The following RANBP10 variants were observed in gnomAD, a reference collection of about 807,000 sequenced individuals.
RANBP10 encodes RAN binding protein 10, also known as ran-binding protein 10.
Under a neutral mutation model 72.8 loss-of-function variants are expected in RANBP10, and 24 were observed. The ratio of observed to expected loss-of-function variants is 0.33; its 90% CI spans 0.24 to 0.46. The LOEUF (loss-of-function observed/expected upper bound fraction) is 0.46. Ranked by LOEUF, RANBP10 falls within the 20% of genes least tolerant of loss-of-function variation. The pLI is 1.00. For synonymous variants in RANBP10, 310 were observed against 322.3 expected (o/e 0.96, Z 0.41); for missense variants, 679 against 817.5 (o/e 0.83, Z 2.07).
intron 2 of RANBP10, among the ~76,000 whole-genome samples, chr16:67,787,915 T>G (rs550217514): frequency 1.4e-3 from 208 of 152,240 alleles, no homozygotes; most frequent in South Asian, 1.9e-3. Context: ...CTTGGCTCAC[T>G]GCAACCTCCA....
intron 2 of RANBP10, among the ~76,000 whole-genome samples, chr16:67,777,386 T>C (rs2054726185): frequency 6.9e-6 from 1 of 143,930 alleles, no homozygotes; most frequent in Non-Finnish European, 1.5e-5. Flanking sequence ...AATACAAAAA[T>C]TTAGCCGGGC....
chr16:67,763,853 C>A (rs187863080), intron 3 of RANBP10, among the ~76,000 whole-genome samples: 1 of 152,284 alleles, frequency 6.6e-6, no homozygotes, highest in Non-Finnish European at 1.5e-5. Context: ...CGCCACCACG[C>A]CCGGCTAATT....
chr16:67,790,021 G>A (rs539573973), intron 2 of RANBP10, among the ~76,000 whole-genome samples: 1 of 151,552 alleles, frequency 6.6e-6, no homozygotes, highest in African/African-American at 2.4e-5. Context: ...TGCTGAACCT[G>A]GGAGGCGGAG....
At chr16:67,739,263 G>A (rs749581456) in intron 4 of RANBP10, among the ~76,000 whole-genome samples, 2 of 152,102 alleles carry the variant, frequency 1.3e-5, no homozygotes, top group Non-Finnish European at 2.9e-5. Context: ...ACCGCACCTC[G>A]CCCCTTTTCC....
intron 2 of RANBP10, among the ~76,000 whole-genome samples, chr16:67,786,510 A>G (rs1394304893): frequency 6.6e-6 from 1 of 152,194 alleles, no homozygotes; most frequent in East Asian, 1.9e-4. Context: ...ACATTTCTCC[A>G]AAGAATCTAT....
intron 3 of RANBP10, chr16:67,763,649 G>A (rs2054441683): frequency 1.4e-5 from 2 of 143,536 alleles, no homozygotes; most frequent in South Asian, 4.3e-4. Flanking sequence ...AGGAAGGTGA[G>A]TCCTGTCCCT....
rs768116527 is a variant in RANBP10 at position 67,727,881 on chromosome 16, C to A, written c.1490G>T (p.Arg497Leu). ...DESSMDDRHP[R>L]RQLCGGNQAA... ...CTGGTTGCCCCCGCAGAGCTGCCGC[C>A]GAGGATGCCTGTCATCTGCATCCAG... is the stretch of plus-strand genomic sequence containing the variant. Residue 497 changes from arginine to leucine, a missense_variant, in exon 12 of 14, where the codon CGG becomes CTG. By Grantham distance (102) the Arg-to-Leu change is moderately radical. Coordinates refer to ENST00000317506, the MANE Select transcript of RANBP10 (RefSeq NM_020850.3). 5 of 1,614,000 alleles carry A rather than the reference C, an allele frequency of 3.1e-6. No homozygotes were observed. Among genetic ancestry groups the A allele is most frequent in the Non-Finnish European group, 4.2e-6 (5 of 1,180,004 alleles).
rs2053560253 is a variant in RANBP10, at chr16:67,723,614, T to C, written c.*2814A>G. On this transcript the variant is annotated 3_prime_UTR_variant, in exon 14 of 14. Transcript: ENST00000317506. ...TGGGGATGGGGGTTCTGGCTTGCTATGAGTGCCAGTTTTTGCTCTGGAAGG... is the reference window on the plus strand; with the variant it reads ...TGGGGATGGGGGTTCTGGCTTGCTACGAGTGCCAGTTTTTGCTCTGGAAGG... 6.5e-6 allele frequency: 1 copy of C among 152,682 alleles called. No homozygotes were observed. 9.5% of individuals were successfully genotyped at this position (152,682 alleles called of 1,614,324 possible).
chr16:67,749,738 C>G (rs1334557792), intron 3 of RANBP10, among the ~76,000 whole-genome samples: 1 of 152,198 alleles, frequency 6.6e-6, no homozygotes, highest in Non-Finnish European at 1.5e-5. Context: ...CAGTCAAGGC[C>G]TTTTCTCAGG....
intron 2 of RANBP10, among the ~76,000 whole-genome samples, chr16:67,790,143 C>G (rs1481811139): frequency 1.3e-5 from 2 of 150,756 alleles, no homozygotes; most frequent in Non-Finnish European, 2.9e-5. Context: ...ATGAAACATG[C>G]CACAACACAG....
chr16:67,761,866 C>T (rs1299684504), intron 3 of RANBP10, among the ~76,000 whole-genome samples: 16 of 152,178 alleles, frequency 1.1e-4, no homozygotes, highest in Admixed American at 6.5e-4. Context: ...CCACCGTGCC[C>T]GGACATACAT....
At chr16:67,801,995 T>C (rs2055242490) in intron 2 of RANBP10, among the ~76,000 whole-genome samples, 1 of 151,026 alleles carries the variant, frequency 6.6e-6, no homozygotes, top group Admixed American at 6.6e-5. Context: ...CTCAGGAAGC[T>C]GAGGTGGGAG....
rs1398998622 is a variant in RANBP10, at chr16:67,730,370, G to A, written c.890-324C>T. Among the ~76,000 whole-genome samples, 1 of 152,150 alleles carries A rather than the reference G, an allele frequency of 6.6e-6. No homozygotes were observed. The highest frequency in any genetic ancestry group is 1.5e-5 in the Non-Finnish European group (1 of 68,006). The stretch of plus-strand genomic sequence containing the variant: ...TGGGGGCAGGGTAGGGCCCCAGCTG[G>A]GGCAACATGATCTGGGGATGGGCAC... On this transcript the variant is annotated intron_variant, in intron 7 of 13. Coordinates refer to ENST00000317506, the MANE Select transcript of RANBP10 (RefSeq NM_020850.3). The surrounding 1 kb of genome is among the most constrained non-coding windows in gnomAD (Gnocchi z 4.3).
At chr16:67,780,266 A>ATG (rs2054786880) in intron 2 of RANBP10, among the ~76,000 whole-genome samples, 1 of 152,136 alleles carries the variant, frequency 6.6e-6, no homozygotes, top group South Asian at 2.1e-4. Context: ...ACACAGCAGA[A>ATG]TGTGAAAAGG....
Position 67,729,767 on chromosome 16 carries a change from G to A in RANBP10, c.1060C>T (p.Arg354Ter). The A allele has an allele frequency of 6.2e-7, 1 of 1,614,070 alleles. No individual in the cohort carries two copies. The highest frequency in any genetic ancestry group is 1.6e-4 in the Middle Eastern group (1 of 6,062). Residue 354 changes from arginine to a stop codon, truncating the protein, a stop_gained, in exon 9 of 14, where the codon CGA (arginine) becomes TGA (stop). Transcript: ENST00000317506. LOFTEE classifies it high-confidence loss of function. The surrounding 1 kb of genome is among the most constrained non-coding windows in gnomAD (Gnocchi z 7.1). ...TAGCTGTCCTGGGACTTGGGGCTTC[G>A]GGAGCTCAAACTTCGGACCTCACTG... Reference protein sequence around the residue: ...TDSEVRSLSSRSPKSQDSYPG... With the variant: ...TDSEVRSLSS
Position 67,729,180 on chromosome 16 carries a change from G to C in RANBP10, c.1352+100C>G. ...GGACTCCAGGCACAGACCTGAGATG[G>C]AGGCTGGGGGTGAAGGGCAGGGCGC... On this transcript the variant is annotated intron_variant, in intron 10 of 13. Transcript: ENST00000317506. The surrounding 1 kb of genome is among the most constrained non-coding windows in gnomAD (Gnocchi z 7.1). 1 of 1,537,426 alleles carries C rather than the reference G, an allele frequency of 6.5e-7. No homozygotes were observed. The highest frequency in any genetic ancestry group is 1.3e-5 in the South Asian group (1 of 78,660).
intron 2 of RANBP10, among the ~76,000 whole-genome samples, chr16:67,780,669 C>A (rs2054794301): frequency 6.6e-6 from 1 of 152,314 alleles, no homozygotes; most frequent in East Asian, 1.9e-4. Flanking sequence ...CTTCCAGAGT[C>A]ATTCCCATGG....
In RANBP10 at chr16:67,786,870, T is replaced by C. The variant is rs142693114; in HGVS notation, c.348-14784A>G. Among the ~76,000 whole-genome samples, 599 of 151,742 alleles carry C rather than the reference T, an allele frequency of 3.9e-3. 6 individuals are homozygous for C. Among genetic ancestry groups the C allele is most frequent in the African/African-American group, 0.013 (548 of 41,364 alleles). On this transcript the variant is annotated intron_variant, in intron 2 of 13. Coordinates refer to ENST00000317506, the MANE Select transcript of RANBP10 (RefSeq NM_020850.3). Reference sequence around the variant, plus strand: ...TGAACCAGGGAGGTGGTGGTTGAAGTGAGCCCAGATCAAGCCATTGCACTC... The same window carrying C: ...TGAACCAGGGAGGTGGTGGTTGAAGCGAGCCCAGATCAAGCCATTGCACTC...
At chr16:67,800,310 C>A (rs925012789) in intron 2 of RANBP10, among the ~76,000 whole-genome samples, 59 of 152,288 alleles carry the variant, frequency 3.9e-4, no homozygotes, top group African/African-American at 1.3e-3. Flanking sequence ...GAGGAAAATG[C>A]CCCCACCCCT....
Sources: allele counts gnomAD v4.1 joint callset (sites outside exome capture counted in the v4.1 genomes callset), GRCh38; gene constraint gnomAD v4.1.1; non-coding constraint Gnocchi (gnomAD v3.1); transcripts MANE v1.5; gene names NCBI Gene and HGNC (gene_info 2026-07-23, HGNC 2026-07-21).